Variants in ST6GAL1 observed in about 807,000 individuals in gnomAD.
The protein encoded by ST6GAL1 is ST6 beta-galactoside alpha-2,6-sialyltransferase 1, also known as beta-galactoside alpha-2,6-sialyltransferase 1.
In ST6GAL1, 20 loss-of-function variants were observed where a neutral mutation model predicts 38.0. The observed-to-expected ratio is 0.53, with a 90% CI of 0.37 to 0.77. The LOEUF (loss-of-function observed/expected upper bound fraction) is 0.77, where lower values mean the gene tolerates loss of function less well. Among genes scored for constraint, ST6GAL1 ranks in the 30% least tolerant of loss-of-function variants. The pLI is 0.00. For missense variants in ST6GAL1, 432 were observed against 496.4 expected, an observed-to-expected ratio of 0.87 and a Z score of 1.23; for synonymous variants, 196 against 188.2, an observed-to-expected ratio of 1.04 and a Z score of -0.34.
Position 187,077,228 on chromosome 3 carries a change from G to C in ST6GAL1, c.*1425G>C. On this transcript the variant is annotated 3_prime_UTR_variant, in exon 8 of 8. Transcript: ENST00000169298. ...CTTCAGGCTCTCTGGGCAGAGGCTG[G>C]CCCACTGTAGTTTGCAGACATGCTC... 2.7e-6 allele frequency: 1 copy of C among 363,988 alleles called. No individual in the cohort carries two copies. 22.5% of individuals were successfully genotyped at this position (363,988 alleles called of 1,614,324 possible). A position where few individuals can be genotyped will look rare whatever the true frequency, so the allele number is the denominator to read the frequency against.
At chr3:187,012,669 C>T (rs969868217) in intron 2 of ST6GAL1, among the ~76,000 whole-genome samples, 1 of 152,252 alleles carries the variant, frequency 6.6e-6, no homozygotes, top group African/African-American at 2.4e-5. Context: ...TGCTGCTGAT[C>T]GGGCACAGAG....
At chr3:187,064,833 T>A (rs1383476017) in intron 5 of ST6GAL1, among the ~76,000 whole-genome samples, 1 of 152,204 alleles carries the variant, frequency 6.6e-6, no homozygotes, top group Non-Finnish European at 1.5e-5. Flanking sequence ...AACTATTTTG[T>A]GTCTGTTTCT....
chr3:187,042,278 G>A (rs1448967848), intron 3 of ST6GAL1, among the ~76,000 whole-genome samples: 1 of 151,950 alleles, frequency 6.6e-6, no homozygotes. Flanking sequence ...TAGGAACTGA[G>A]TGATTTGCAA....
At chr3:186,960,969 C>CTTT (rs531371070) in intron 1 of ST6GAL1, among the ~76,000 whole-genome samples, 5 of 124,744 alleles carry the variant, frequency 4.0e-5, no homozygotes, top group East Asian at 2.4e-4. Context: ...ATCATTTGAT[C>CTTT]TTTTTTTTTT....
intron 2 of ST6GAL1, among the ~76,000 whole-genome samples, chr3:186,964,707 G>A (rs6807433): frequency 0.15 from 23,157 of 152,164 alleles, 3,109 homozygotes; most frequent in African/African-American, 0.36. Flanking sequence ...TGGGTGGCTT[G>A]AAACTGACCA....
chr3:187,001,729 G>A (rs976158791), intron 2 of ST6GAL1, among the ~76,000 whole-genome samples: 2 of 152,078 alleles, frequency 1.3e-5, no homozygotes, highest in Non-Finnish European at 2.9e-5. Context: ...AGGCCCAGGC[G>A]GGCAGATCAC....
intron 2 of ST6GAL1, among the ~76,000 whole-genome samples, chr3:186,977,492 G>T (rs982111866): frequency 4.6e-5 from 7 of 152,182 alleles, no homozygotes; most frequent in Non-Finnish European, 7.3e-5. Flanking sequence ...ACCCTGCCAG[G>T]TTGTCATGTG....
intron 3 of ST6GAL1, among the ~76,000 whole-genome samples, chr3:187,042,448 G>A (rs993084438): frequency 6.6e-6 from 1 of 152,142 alleles, no homozygotes; most frequent in Non-Finnish European, 1.5e-5. Flanking sequence ...AAGAGGAAGA[G>A]GGACTGCTGT....
intron 2 of ST6GAL1, among the ~76,000 whole-genome samples, chr3:186,976,708 G>A (rs1715532451): frequency 6.6e-6 from 1 of 152,192 alleles, no homozygotes; most frequent in Non-Finnish European, 1.5e-5. Context: ...GAGATTACAG[G>A]CATGAGCCAC....
At chr3:187,037,592 G>T (rs1055681020) in intron 2 of ST6GAL1, among the ~76,000 whole-genome samples, 6 of 151,942 alleles carry the variant, frequency 3.9e-5, no homozygotes, top group Non-Finnish European at 8.8e-5. Context: ...TTTTTTGTTG[G>T]TTTGTTTAGA....
At chr3:186,988,906 C>A (rs927909784) in intron 2 of ST6GAL1, among the ~76,000 whole-genome samples, 2 of 151,888 alleles carry the variant, frequency 1.3e-5, no homozygotes, top group Non-Finnish European at 2.9e-5. Flanking sequence ...AGAGCCAGAG[C>A]CAGACCCTGT....
intron 5 of ST6GAL1, among the ~76,000 whole-genome samples, chr3:187,069,293 C>T (rs1000601175): frequency 6.6e-6 from 1 of 152,186 alleles, no homozygotes; most frequent in Non-Finnish European, 1.5e-5. Context: ...TGCCACCACG[C>T]CTGGCTAATT....
At chr3:187,040,058 C>A (rs1384850011) in intron 3 of ST6GAL1, among the ~76,000 whole-genome samples, 1 of 152,222 alleles carries the variant, frequency 6.6e-6, no homozygotes, top group Non-Finnish European at 1.5e-5. Context: ...GAATCAGGCC[C>A]TTCCTGCCAT....
At chr3:187,004,977 G>T (rs1716733385) in intron 2 of ST6GAL1, among the ~76,000 whole-genome samples, 1 of 152,084 alleles carries the variant, frequency 6.6e-6, no homozygotes, top group African/African-American at 2.4e-5. Context: ...TAAATGAGGT[G>T]GCATCTCTCC....
At chr3:187,025,013 G>GTGTGTCTGTGTGTC (rs1553827947) in intron 2 of ST6GAL1, among the ~76,000 whole-genome samples, 33 of 151,398 alleles carry the variant, frequency 2.2e-4, no homozygotes, top group Non-Finnish European at 3.4e-4. Context: ...GTGTGTGTGT[G>GTGTGTCTGTGTGTC]TGTGTGTCTG....
At chr3:186,969,368 A>T (rs961249724) in intron 2 of ST6GAL1, among the ~76,000 whole-genome samples, 6 of 152,044 alleles carry the variant, frequency 3.9e-5, no homozygotes, top group African/African-American at 1.4e-4. Flanking sequence ...TTTTCATTTT[A>T]ATAGGTGTAT....
intron 2 of ST6GAL1, among the ~76,000 whole-genome samples, chr3:187,000,036 A>G (rs1393277561): frequency 6.6e-6 from 1 of 151,778 alleles, no homozygotes; most frequent in Non-Finnish European, 1.5e-5. Flanking sequence ...TATGTTGGCC[A>G]GACGGATCTT....
intron 1 of ST6GAL1, among the ~76,000 whole-genome samples, chr3:186,958,100 A>G (rs1212320915): frequency 6.6e-6 from 1 of 152,016 alleles, no homozygotes; most frequent in African/African-American, 2.4e-5. Context: ...GTGTACTGTG[A>G]TGAGTTTTAT....
intron 2 of ST6GAL1, among the ~76,000 whole-genome samples, chr3:187,032,931 TG>T (rs1717802772): frequency 6.6e-6 from 1 of 152,154 alleles, no homozygotes; most frequent in Admixed American, 6.5e-5. Flanking sequence ...GATTTTCTCT[TG>T]GTTCATGGGG....
Sources: allele counts gnomAD v4.1 joint callset (sites outside exome capture counted in the v4.1 genomes callset), GRCh38; gene constraint gnomAD v4.1.1; transcripts MANE v1.5; gene names NCBI Gene and HGNC (gene_info 2026-07-23, HGNC 2026-07-21).